The following FUT8 variants were observed in gnomAD, a reference collection of about 807,000 sequenced individuals.
The protein encoded by FUT8 is fucosyltransferase 8, also known as alpha-(1,6)-fucosyltransferase.
A neutral mutation model predicts 71.3 loss-of-function variants in FUT8; 29 were observed. The observed-to-expected ratio is 0.41, with a 90% CI of 0.30 to 0.55. FUT8 has a LOEUF of 0.55. FUT8 is among the 20% of genes least tolerant of loss of function. The probability of loss-of-function intolerance (pLI) is 0.34; values close to 1 mark genes in which losing one functional copy is unlikely to be tolerated. For synonymous variants in FUT8, 254 were observed against 239.3 expected (o/e 1.06, Z -0.57); for missense variants, 544 against 702.1 (o/e 0.77, Z 2.55).
chr14:65,654,523 G>A (rs1485268409), intron 6 of FUT8, among the ~76,000 whole-genome samples: 3 of 152,018 alleles, frequency 2.0e-5, no homozygotes, highest in African/African-American at 2.4e-5. Flanking sequence ...CCTGGGAGGC[G>A]GAGGTTGCAG....
chr14:65,555,181 G>A (rs72714488), intron 2 of FUT8, among the ~76,000 whole-genome samples: 1,581 of 152,254 alleles, frequency 0.01, 12 homozygotes, highest in Middle Eastern at 0.02. Flanking sequence ...GCCTCACATA[G>A]CCTAAGATAT....
chr14:65,731,198 A>T (rs1416740076), intron 9 of FUT8, among the ~76,000 whole-genome samples: 1 of 152,214 alleles, frequency 6.6e-6, no homozygotes, highest in Non-Finnish European at 1.5e-5. Context: ...ACAGGTAGAC[A>T]ATATACATGT....
intron 1 of FUT8, among the ~76,000 whole-genome samples, chr14:65,424,949 C>T (rs1005231266): frequency 2.6e-5 from 4 of 151,092 alleles, no homozygotes; most frequent in Non-Finnish European, 5.9e-5. Flanking sequence ...CAGGTGTGAG[C>T]CACTGCACAT....
At chr14:65,530,960 G>A (rs1279405104) in intron 2 of FUT8, among the ~76,000 whole-genome samples, 1 of 140,950 alleles carries the variant, frequency 7.1e-6, no homozygotes, top group African/African-American at 2.6e-5. Flanking sequence ...TTTTTTATTG[G>A]TAAAAAGTAT....
At chr14:65,456,672 A>G (rs1197745252) in intron 2 of FUT8, among the ~76,000 whole-genome samples, 1 of 152,042 alleles carries the variant, frequency 6.6e-6, no homozygotes, top group African/African-American at 2.4e-5. Context: ...CAAGAGATCA[A>G]GACCATCCTG....
At chr14:65,367,955 T>C in the FUT8 span, among the ~76,000 whole-genome samples, 3 of 151,924 alleles carry the variant, frequency 2.0e-5, no homozygotes, top group African/African-American at 7.3e-5. Flanking sequence ...TTTATAGCAG[T>C]GCTGTTTCAT....
At chr14:65,391,459 G>A in the FUT8 span, among the ~76,000 whole-genome samples, 2 of 152,256 alleles carry the variant, frequency 1.3e-5, no homozygotes, top group East Asian at 1.9e-4. Flanking sequence ...AGGTTCAAGC[G>A]ATTCTCCTGC....
Position 65,508,491 on chromosome 14 carries a change from G to GTTTTTTTTTTTTTTTT in FUT8, c.-228+52784_-228+52799dup, listed in dbSNP as rs34809476. On this transcript the variant is annotated intron_variant, in intron 2 of 10. Transcript: ENST00000673929. ...AATTTTTTCCTGTAGAGTTGTTTGA[G>GTTTTTTTTTTTTTTTT]TTTTTTTTTTTTTTTTTTTTTTTTT... Among the ~76,000 whole-genome samples, 2 of 46,500 alleles carry GTTTTTTTTTTTTTTTT rather than the reference G, an allele frequency of 4.3e-5. 1 individual carries two copies. Among genetic ancestry groups the GTTTTTTTTTTTTTTTT allele is most frequent in the Non-Finnish European group, 7.7e-5 (2 of 25,870 alleles). 30.5% of individuals were successfully genotyped at this position (46,500 alleles called of 152,430 possible). A position where few individuals can be genotyped will look rare whatever the true frequency, so the allele number is the denominator to read the frequency against.
At chr14:65,388,179 A>C in the FUT8 span, among the ~76,000 whole-genome samples, 1 of 152,338 alleles carries the variant, frequency 6.6e-6, no homozygotes, top group East Asian at 1.9e-4. Context: ...AGTCGAGCAA[A>C]TTTAGGAGGG....
chr14:65,595,602 C>CTTTTTTTTT lies in FUT8; in HGVS notation c.204-20360_204-20352dup, dbSNP rs34129010. 1.1e-3 allele frequency among the ~76,000 whole-genome samples: 89 copies of CTTTTTTTTT among 81,760 alleles called. 2 individuals carry two copies. The highest frequency in any genetic ancestry group is 0.013 in the Middle Eastern group (1 of 80). 53.6% of individuals were successfully genotyped at this position (81,760 alleles called of 152,430 possible). A position where few individuals can be genotyped will look rare whatever the true frequency, so the allele number is the denominator to read the frequency against. On this transcript the variant is annotated intron_variant, in intron 3 of 10. Coordinates refer to ENST00000673929, the MANE Select transcript of FUT8 (RefSeq NM_001371533.1). ...GACGATTTATCTTCTACACCATTCT[C>CTTTTTTTTT]TTTTTTTTTTTTTTTTTTTTTTTTG...
chr14:65,381,398 G>A, the FUT8 span, among the ~76,000 whole-genome samples: 2 of 152,202 alleles, frequency 1.3e-5, no homozygotes, highest in Non-Finnish European at 2.9e-5. Flanking sequence ...GGAGCAAGGT[G>A]ACTAGATGGC....
At chr14:65,547,841 A>G (rs28890806) in intron 2 of FUT8, among the ~76,000 whole-genome samples, 1,591 of 151,996 alleles carry the variant, frequency 0.01, 29 homozygotes, top group African/African-American at 0.037. Flanking sequence ...TGGTACATTC[A>G]TCTAAACTAA....
intron 3 of FUT8, among the ~76,000 whole-genome samples, chr14:65,585,669 TA>T (rs1258846759): frequency 5.9e-5 from 9 of 152,196 alleles, no homozygotes; most frequent in Non-Finnish European, 1.0e-4. Flanking sequence ...ATAAAAAAAG[TA>T]AATATAAATG....
chr14:65,656,026 C>CT (rs1407215523), intron 6 of FUT8, among the ~76,000 whole-genome samples: 7 of 152,042 alleles, frequency 4.6e-5, no homozygotes, highest in Non-Finnish European at 5.9e-5. Context: ...AACTGAAAGA[C>CT]TTTTCTCTAA....
chr14:65,475,099 C>T (rs1266617400), intron 2 of FUT8, among the ~76,000 whole-genome samples: 1 of 152,140 alleles, frequency 6.6e-6, no homozygotes, highest in Non-Finnish European at 1.5e-5. Flanking sequence ...ATCTTGTTCC[C>T]AGTCTTTCCC....
chr14:65,508,913 A>C (rs1006546596), intron 2 of FUT8, among the ~76,000 whole-genome samples: 1 of 152,076 alleles, frequency 6.6e-6, no homozygotes, highest in Non-Finnish European at 1.5e-5. Context: ...GCTGTGGAGA[A>C]GCTTTTTAAT....
chr14:65,678,929 C>T (rs1296980311), intron 7 of FUT8, among the ~76,000 whole-genome samples: 3 of 152,090 alleles, frequency 2.0e-5, no homozygotes, highest in Non-Finnish European at 4.4e-5. Context: ...ATGTAAGCAA[C>T]CAAAAACGTA....
intron 7 of FUT8, among the ~76,000 whole-genome samples, chr14:65,673,924 G>A (rs939395211): frequency 6.6e-6 from 1 of 152,094 alleles, no homozygotes; most frequent in Non-Finnish European, 1.5e-5. Context: ...TCTTTAGCAA[G>A]TAGAACACAA....
At chr14:65,447,398 G>A (rs972160156) in intron 1 of FUT8, among the ~76,000 whole-genome samples, 4 of 151,866 alleles carry the variant, frequency 2.6e-5, no homozygotes, top group Non-Finnish European at 4.4e-5. Context: ...AAGGCGCAGT[G>A]TAATCATTGT....
Sources: allele counts gnomAD v4.1 joint callset (sites outside exome capture counted in the v4.1 genomes callset), GRCh38; gene constraint gnomAD v4.1.1; transcripts MANE v1.5; gene names NCBI Gene and HGNC (gene_info 2026-07-23, HGNC 2026-07-21).